The following GRIK1 variants were observed in gnomAD, a reference collection of about 807,000 sequenced individuals.
GRIK1 encodes glutamate receptor ionotropic, kainate 1.
A neutral mutation model predicts 105.7 loss-of-function variants in GRIK1; 69 were observed. That is an observed-to-expected ratio of 0.65 (90% confidence interval 0.54 to 0.80). The LOEUF (loss-of-function observed/expected upper bound fraction) is 0.80, where lower values mean the gene tolerates loss of function less well. GRIK1 is among the 30% of genes least tolerant of loss of function. The probability of loss-of-function intolerance (pLI) is 0.00; values close to 1 mark genes in which losing one functional copy is unlikely to be tolerated. For synonymous variants in GRIK1, 438 were observed against 431.3 expected, an observed-to-expected ratio of 1.02 and a Z score of -0.19; for missense variants, 1,109 against 1,167.3, an observed-to-expected ratio of 0.95 and a Z score of 0.73.
chr21:29,771,714 C>T (rs1449863297), intron 1 of GRIK1, among the ~76,000 whole-genome samples: 3 of 152,214 alleles, frequency 2.0e-5, no homozygotes, highest in Non-Finnish European at 4.4e-5. Context: ...GAGTAAGTGA[C>T]ATTCCCTTGT....
At chr21:29,734,015 AT>A (rs1162855026) in intron 1 of GRIK1, among the ~76,000 whole-genome samples, 2 of 151,946 alleles carry the variant, frequency 1.3e-5, no homozygotes, top group African/African-American at 4.8e-5. Context: ...AGTTTGTGTA[AT>A]TCAATTTTTT....
intron 14 of GRIK1, among the ~76,000 whole-genome samples, chr21:29,566,327 T>C (rs1369213818): frequency 6.6e-6 from 1 of 152,226 alleles, no homozygotes; most frequent in Non-Finnish European, 1.5e-5. Flanking sequence ...CTGAGCTTCT[T>C]AGCAAAAGTT....
At chr21:29,781,396 A>G (rs2066094688) in intron 1 of GRIK1, among the ~76,000 whole-genome samples, 1 of 151,994 alleles carries the variant, frequency 6.6e-6, no homozygotes, top group Non-Finnish European at 1.5e-5. Flanking sequence ...TTCATGGCCT[A>G]CTATCATCAT....
intron 1 of GRIK1, among the ~76,000 whole-genome samples, chr21:29,813,301 C>A (rs917686016): frequency 6.6e-6 from 1 of 152,048 alleles, no homozygotes; most frequent in African/African-American, 2.4e-5. Flanking sequence ...TTAAGGCTTG[C>A]CATAAGAGGG....
At chr21:29,660,010 C>T (rs1276590593) in intron 4 of GRIK1, among the ~76,000 whole-genome samples, 1 of 151,952 alleles carries the variant, frequency 6.6e-6, no homozygotes, top group Non-Finnish European at 1.5e-5. Context: ...CAACAAAAAA[C>T]CCTCACTGCC....
chr21:29,728,409 T>A (rs375068354), intron 1 of GRIK1, among the ~76,000 whole-genome samples: 99 of 152,084 alleles, frequency 6.5e-4, no homozygotes, highest in African/African-American at 2.2e-3. Context: ...AGGGCCTAGG[T>A]CGAATAAGGA....
At chr21:29,792,594 G>T (rs774769576) in intron 1 of GRIK1, among the ~76,000 whole-genome samples, 1 of 152,198 alleles carries the variant, frequency 6.6e-6, no homozygotes, top group Non-Finnish European at 1.5e-5. Flanking sequence ...TGAGCAGCTG[G>T]TGGTGATAAT....
At chr21:29,903,264 A>G (rs2070477637) in intron 1 of GRIK1, among the ~76,000 whole-genome samples, 1 of 152,334 alleles carries the variant, frequency 6.6e-6, no homozygotes, top group Admixed American at 6.5e-5. Context: ...ATGGCAACAA[A>G]AGCCAAAATT....
intron 1 of GRIK1, among the ~76,000 whole-genome samples, chr21:29,802,292 C>T (rs996776724): frequency 2.0e-5 from 3 of 152,146 alleles, no homozygotes; most frequent in Non-Finnish European, 2.9e-5. Context: ...ATGTCTCTGA[C>T]TACCTTAACT....
intron 1 of GRIK1, among the ~76,000 whole-genome samples, chr21:29,922,465 T>C (rs1292509946): frequency 6.6e-6 from 1 of 152,114 alleles, no homozygotes; most frequent in African/African-American, 2.4e-5. Context: ...CTTTAATAAT[T>C]AAATGTACAT....
At chr21:29,685,702 A>G (rs991272031) in intron 3 of GRIK1, among the ~76,000 whole-genome samples, 4 of 152,182 alleles carry the variant, frequency 2.6e-5, no homozygotes, top group African/African-American at 9.7e-5. Context: ...GGCTCAGAAC[A>G]TGACACCCCA....
intron 1 of GRIK1, among the ~76,000 whole-genome samples, chr21:29,758,327 T>G (rs751845887): frequency 1.3e-5 from 2 of 152,232 alleles, no homozygotes; most frequent in African/African-American, 2.4e-5. Flanking sequence ...TCCACATGGA[T>G]GGGGAGCCCT....
At chr21:29,604,635 A>C (rs1164718243) in intron 7 of GRIK1, among the ~76,000 whole-genome samples, 1 of 152,232 alleles carries the variant, frequency 6.6e-6, no homozygotes. Context: ...CCTTATGTAG[A>C]AGCATTTGCA....
intron 1 of GRIK1, among the ~76,000 whole-genome samples, chr21:29,892,050 T>C (rs1354945241): frequency 6.6e-6 from 1 of 152,198 alleles, no homozygotes; most frequent in Non-Finnish European, 1.5e-5. Flanking sequence ...TTTCCATCTT[T>C]ATAGATGAAT....
chr21:29,687,516 G>A (rs182307442), intron 3 of GRIK1, among the ~76,000 whole-genome samples: 27 of 152,112 alleles, frequency 1.8e-4, no homozygotes, highest in Admixed American at 4.6e-4. Flanking sequence ...TAATGTCTTT[G>A]TGGGCAAAAA....
chr21:29,806,133 T>C (rs1277795877), intron 1 of GRIK1, among the ~76,000 whole-genome samples: 1 of 152,194 alleles, frequency 6.6e-6, no homozygotes, highest in Non-Finnish European at 1.5e-5. Context: ...TCCCACTATA[T>C]TATGAATAGT....
At chr21:29,863,116 T>C (rs1487164479) in intron 1 of GRIK1, among the ~76,000 whole-genome samples, 1 of 152,228 alleles carries the variant, frequency 6.6e-6, no homozygotes, top group Non-Finnish European at 1.5e-5. Flanking sequence ...ACCATAAAAT[T>C]ATTTTGATGT....
chr21:29,781,662 T>TC (rs1482420825), intron 1 of GRIK1, among the ~76,000 whole-genome samples: 6 of 117,608 alleles, frequency 5.1e-5, no homozygotes, highest in Admixed American at 8.7e-5. Flanking sequence ...TGTTTCTTTT[T>TC]TTTTTTTTTT....
Position 29,604,714 on chromosome 21 carries a change from A to G in GRIK1, c.1099-5777T>C, listed in dbSNP as rs114174848. ...AACTATTGTCCCTATTTTAGGAAAG[A>G]GCTTTATTTTCTACCCTGCATCAGA... On this transcript the variant is annotated intron_variant, in intron 7 of 17. Coordinates refer to ENST00000327783, the MANE Select transcript of GRIK1 (RefSeq NM_001330994.2). 2.8e-3 allele frequency among the ~76,000 whole-genome samples: 426 copies of G among 152,316 alleles called. 3 individuals carry two copies. Among genetic ancestry groups the G allele is most frequent in the African/African-American group, 9.6e-3 (398 of 41,574 alleles).
Sources: gnomAD v4.1 joint callset for allele counts (sites outside exome capture counted in the v4.1 genomes callset) on GRCh38, gnomAD v4.1.1 for gene constraint, MANE v1.5 for transcripts, NCBI Gene and HGNC (gene_info 2026-07-23, HGNC 2026-07-21) for gene names.